Variants in RALY observed in about 807,000 individuals in gnomAD.
The protein encoded by RALY is RNA-binding protein Raly.
Under a neutral mutation model 30.7 loss-of-function variants are expected in RALY, and 15 were observed. The observed-to-expected ratio is 0.49, with a 90% CI of 0.33 to 0.75. The LOEUF (loss-of-function observed/expected upper bound fraction) is 0.75, where lower values mean the gene tolerates loss of function less well. Among genes scored for constraint, RALY ranks in the 30% least tolerant of loss-of-function variants. RALY has a pLI of 0.02. For synonymous variants in RALY, 177 were observed against 170.8 expected (o/e 1.04, Z -0.28); for missense variants, 339 against 414.3 (o/e 0.82, Z 1.58).
intron 5 of RALY, among the ~76,000 whole-genome samples, chr20:34,074,689 C>T (rs2033825543): frequency 1.3e-5 from 2 of 152,200 alleles, no homozygotes; most frequent in Admixed American, 1.3e-4. Flanking sequence ...AAATTCCCTT[C>T]CCAGTTTGTG....
chr20:34,054,104 A>G (rs1257239757), intron 2 of RALY, among the ~76,000 whole-genome samples: 1 of 151,968 alleles, frequency 6.6e-6, no homozygotes, highest in Non-Finnish European at 1.5e-5. Context: ...CTGCTGATGG[A>G]TGAGGAATTT....
At chr20:34,010,351 C>G (rs2031347227) in intron 1 of RALY, among the ~76,000 whole-genome samples, 1 of 152,182 alleles carries the variant, frequency 6.6e-6, no homozygotes, top group South Asian at 2.1e-4. Context: ...ACCTCAGTCT[C>G]CTGAGTAGCT....
rs554533670 is a variant in RALY at position 34,067,756 on chromosome 20, T to C, written c.-9-4310T>C. Among the ~76,000 whole-genome samples the C allele has an allele frequency of 3.9e-5, 6 of 152,162 alleles. No homozygotes were observed. The South Asian group carries it at 1.2e-3, about 32-fold the overall frequency. On this transcript the variant is annotated intron_variant, in intron 2 of 9. Coordinates refer to ENST00000246194, the MANE Select transcript of RALY (RefSeq NM_016732.3). ...CAATTGTTTCTCCTGCAGGTAAAGG[T>C]GAAGGCACTTATTGGGGAGCCAGTC... is the stretch of plus-strand genomic sequence containing the variant.
chr20:34,040,354 C>T (rs911083816), intron 2 of RALY, among the ~76,000 whole-genome samples: 1 of 152,114 alleles, frequency 6.6e-6, no homozygotes, highest in African/African-American at 2.4e-5. Flanking sequence ...TTAACATCTC[C>T]GCCAACAGCC....
chr20:34,077,126 A>T lies in RALY; in HGVS notation c.757A>T (p.Ser253Cys). The T allele has an allele frequency of 6.2e-7, 1 of 1,608,820 alleles. No individual in the cohort carries two copies. Among genetic ancestry groups the T allele is most frequent in the Non-Finnish European group, 8.5e-7 (1 of 1,177,706 alleles). Residue 253 changes from serine to cysteine, a missense_variant, in exon 8 of 10, where the codon AGC (serine) becomes TGC (cysteine). Physicochemically the swap from Ser to Cys is moderately radical, Grantham distance 112. Transcript: ENST00000246194. ...GSGGGGGGGS[S>C]RPPAPQENTT... ...TGGTGGTGGCGGTGGCGGTGGCAGC[A>T]GCCGGCCACCAGCCCCCCAAGAGAA... is the stretch of plus-strand genomic sequence containing the variant.
chr20:34,040,110 C>CA (rs796083288), intron 2 of RALY, among the ~76,000 whole-genome samples: 1,378 of 134,624 alleles, frequency 0.01, 16 homozygotes, highest in African/African-American at 0.031. Context: ...GACCCCATCT[C>CA]AAAAAAAAAA....
chr20:34,017,968 A>G (rs2031671154), intron 1 of RALY, among the ~76,000 whole-genome samples: 2 of 152,212 alleles, frequency 1.3e-5, no homozygotes, highest in South Asian at 4.1e-4. Flanking sequence ...TTCCAAAGGC[A>G]TGAATGGGGG....
rs149821684 is a variant in RALY, at chr20:34,052,900, A to G, written c.-9-19166A>G. ...TTTCTGCTCCTCTGTCACCGTCTCCATCACAAAATTGAGGGGGTAGGAATG... is the reference window on the plus strand; with the variant it reads ...TTTCTGCTCCTCTGTCACCGTCTCCGTCACAAAATTGAGGGGGTAGGAATG... On this transcript the variant is annotated intron_variant, in intron 2 of 9. Coordinates refer to ENST00000246194, the MANE Select transcript of RALY (RefSeq NM_016732.3). 8.5e-3 allele frequency among the ~76,000 whole-genome samples: 1,297 copies of G among 152,318 alleles called. 14 individuals are homozygous for G. The highest frequency in any genetic ancestry group is 0.027 in the South Asian group (129 of 4,824).
intron 2 of RALY, among the ~76,000 whole-genome samples, chr20:34,051,136 A>G (rs550796666): frequency 6.6e-6 from 1 of 152,306 alleles, no homozygotes; most frequent in African/African-American, 2.4e-5. Flanking sequence ...ACATCTTTAT[A>G]TATTACAGAC....
chr20:34,055,574 T>C (rs944760290), intron 2 of RALY, among the ~76,000 whole-genome samples: 1 of 152,128 alleles, frequency 6.6e-6, no homozygotes, highest in African/African-American at 2.4e-5. Context: ...ATGAAATAGA[T>C]TGTGGTCCCT....
At chr20:34,071,601 G>A (rs925212545) in intron 2 of RALY, among the ~76,000 whole-genome samples, 2 of 152,084 alleles carry the variant, frequency 1.3e-5, no homozygotes, top group Admixed American at 1.3e-4. Context: ...TCATATGGTG[G>A]TGGTCTAGAG....
At chr20:34,040,719 A>T (rs973826364) in intron 2 of RALY, among the ~76,000 whole-genome samples, 1 of 152,226 alleles carries the variant, frequency 6.6e-6, no homozygotes, top group African/African-American at 2.4e-5. Flanking sequence ...TAATCTTTAT[A>T]ACTCATTAAG....
chr20:34,051,039 T>G (rs1320531386), intron 2 of RALY, among the ~76,000 whole-genome samples: 1 of 152,214 alleles, frequency 6.6e-6, no homozygotes, highest in Non-Finnish European at 1.5e-5. Flanking sequence ...AAGGGATGAC[T>G]GGGAACCTTG....
At chr20:34,003,952 A>G (rs2031045477) in intron 1 of RALY, among the ~76,000 whole-genome samples, 1 of 152,142 alleles carries the variant, frequency 6.6e-6, no homozygotes, top group Non-Finnish European at 1.5e-5. Context: ...AAACAGTTTT[A>G]AAAGGTCTAC....
intron 2 of RALY, among the ~76,000 whole-genome samples, chr20:34,051,630 C>G (rs2033081324): frequency 6.6e-6 from 1 of 152,054 alleles, no homozygotes; most frequent in Non-Finnish European, 1.5e-5. Context: ...GAGTCTCGCT[C>G]TGTTGCCCAG....
chr20:34,011,170 TAA>T (rs544098333), intron 1 of RALY, among the ~76,000 whole-genome samples: 24 of 152,292 alleles, frequency 1.6e-4, no homozygotes, highest in African/African-American at 5.5e-4. Context: ...ACTGGTAATT[TAA>T]AGTTTGCTTT....
In RALY at chr20:34,073,649, A is replaced by C. The variant is rs1325137016; in HGVS notation, c.329+14A>C. 1.3e-6 allele frequency: 2 copies of C among 1,575,860 alleles called. No individual in the cohort carries two copies. The highest frequency in any genetic ancestry group is 1.4e-5 in the African/African-American group (1 of 74,026). ...TGCCATATACAGGTGGGGCTGTCTG[A>C]CTGTCTGTCTGTCTGGTGGGATGAC... On this transcript the variant is annotated intron_variant, in intron 4 of 9. Transcript: ENST00000246194.
intron 1 of RALY, among the ~76,000 whole-genome samples, chr20:33,999,729 C>T (rs566791569): frequency 7.9e-5 from 12 of 152,126 alleles, no homozygotes; most frequent in East Asian, 3.9e-4. Context: ...TTGGATACAG[C>T]GGTGGCCTGG....
intron 2 of RALY, among the ~76,000 whole-genome samples, chr20:34,042,935 A>G (rs149647290): frequency 2.1e-4 from 32 of 152,344 alleles, no homozygotes; most frequent in East Asian, 3.9e-4. Context: ...TGGTCACACA[A>G]TCATCTTTTT....
Sources: allele counts gnomAD v4.1 joint callset (sites outside exome capture counted in the v4.1 genomes callset), GRCh38; gene constraint gnomAD v4.1.1; transcripts MANE v1.5; gene names NCBI Gene and HGNC (gene_info 2026-07-23, HGNC 2026-07-21).